HYAL4: variants seen among roughly 807,000 people sequenced by gnomAD.
HYAL4 encodes the protein hyaluronidase 4, also known as hyaluronidase-4.
HYAL4 carries 37 observed loss-of-function variants against 35.2 expected under a neutral mutation model. The observed-to-expected ratio is 1.05, with a 90% confidence interval of 0.81 to 1.38. The LOEUF is 1.38. Among genes scored for constraint, HYAL4 ranks in the 40% most tolerant of loss-of-function variants. HYAL4 has a pLI of 0.00. For synonymous variants in HYAL4, 198 were observed against 203.2 expected (o/e 0.97, Z 0.22); for missense variants, 572 against 572.4 (o/e 1.00, Z 0.01).
At chr7:123,796,759 A>G in the HYAL4 span, among the ~76,000 whole-genome samples, 3 of 152,230 alleles carry the variant, frequency 2.0e-5, no homozygotes, top group South Asian at 6.2e-4. Context: ...CAGCCATGAA[A>G]AAGAATGAAG....
chr7:123,849,338 TCACCCAA>T (rs1385205277), intron 2 of HYAL4, among the ~76,000 whole-genome samples: 50 of 151,998 alleles, frequency 3.3e-4, no homozygotes, highest in African/African-American at 1.2e-3. Context: ...GGTCTCTCTG[TCACCCAA>T]GCTGGAGTGC....
chr7:123,864,442 C>G (rs371406620), intron 2 of HYAL4, among the ~76,000 whole-genome samples: 2 of 152,108 alleles, frequency 1.3e-5, no homozygotes, highest in South Asian at 4.1e-4. Flanking sequence ...CTAACTCTTT[C>G]TAAACATTGT....
chr7:123,783,450 A>G, the HYAL4 span, among the ~76,000 whole-genome samples: 1 of 132,858 alleles, frequency 7.5e-6, no homozygotes, highest in Non-Finnish European at 1.7e-5. Flanking sequence ...AAGTGATATA[A>G]CAAGACATAA....
intron 1 of HYAL4, among the ~76,000 whole-genome samples, chr7:123,847,778 AAATAAT>A (rs1000886829): frequency 6.6e-6 from 1 of 151,954 alleles, no homozygotes; most frequent in Non-Finnish European, 1.5e-5. Context: ...ACTCCGTCTA[AAATAAT>A]AATAATAATA....
At chr7:123,817,289 C>T in the HYAL4 span, among the ~76,000 whole-genome samples, 1 of 152,128 alleles carries the variant, frequency 6.6e-6, no homozygotes, top group South Asian at 2.1e-4. Context: ...ATTTGAAAGT[C>T]ACTTGGCTGC....
the HYAL4 span, among the ~76,000 whole-genome samples, chr7:123,796,636 A>G: frequency 3.1e-4 from 47 of 152,334 alleles, no homozygotes; most frequent in African/African-American, 9.1e-4. Context: ...CTTGTACACT[A>G]ATGTTTATAG....
the HYAL4 span, among the ~76,000 whole-genome samples, chr7:123,777,734 C>T: frequency 6.6e-6 from 1 of 151,730 alleles, no homozygotes; most frequent in South Asian, 2.1e-4. Flanking sequence ...AGATGGTGTC[C>T]TAGATAAGTG....
chr7:123,796,415 T>C, the HYAL4 span, among the ~76,000 whole-genome samples: 1 of 152,242 alleles, frequency 6.6e-6, no homozygotes, highest in Non-Finnish European at 1.5e-5. Context: ...GTTGTAATTA[T>C]TTAATCTTTA....
chr7:123,808,780 G>A, the HYAL4 span, among the ~76,000 whole-genome samples: 3 of 152,174 alleles, frequency 2.0e-5, no homozygotes, highest in African/African-American at 7.2e-5. Flanking sequence ...CCACAATCAA[G>A]GTCCCAATAG....
At chr7:123,789,172 A>G in the HYAL4 span, among the ~76,000 whole-genome samples, 1 of 152,252 alleles carries the variant, frequency 6.6e-6, no homozygotes, top group Non-Finnish European at 1.5e-5. Context: ...GCTACTCTCA[A>G]GAAGATTGTT....
rs1806745453 is a variant in HYAL4, at chr7:123,868,207, T to C, written c.-51-16T>C. The stretch of plus-strand genomic sequence containing the variant: ...CCTCAAAACTATGACTAACAGAAAA[T>C]TAAATCTCTCCACAGGTCTTCTAGA... On this transcript the variant is annotated splice_polypyrimidine_tract_variant and intron_variant, in intron 2 of 4. Transcript: ENST00000223026. 2.7e-6 allele frequency: 2 copies of C among 749,264 alleles called. No individual in the cohort carries two copies. The highest frequency in any genetic ancestry group is 2.0e-6 in the Non-Finnish European group (1 of 490,072). 46.4% of individuals were successfully genotyped at this position (749,264 alleles called of 1,614,324 possible). A position where few individuals can be genotyped will look rare whatever the true frequency, so the allele number is the denominator to read the frequency against.
intron 2 of HYAL4, among the ~76,000 whole-genome samples, chr7:123,866,799 T>C (rs1806698062): frequency 6.7e-6 from 1 of 149,470 alleles, no homozygotes. Flanking sequence ...CTTTTTTTTT[T>C]TTTTTTTTTT....
chr7:123,806,502 G>C, the HYAL4 span, among the ~76,000 whole-genome samples: 24 of 152,068 alleles, frequency 1.6e-4, no homozygotes, highest in African/African-American at 5.5e-4. Context: ...GGAGTGCAAT[G>C]GTGGGATCTT....
At chr7:123,792,524 A>G in the HYAL4 span, among the ~76,000 whole-genome samples, 3 of 152,226 alleles carry the variant, frequency 2.0e-5, no homozygotes, top group Non-Finnish European at 4.4e-5. Flanking sequence ...AGTCACATAT[A>G]TAATAATAGT....
At chr7:123,816,581 G>C in the HYAL4 span, among the ~76,000 whole-genome samples, 1 of 152,070 alleles carries the variant, frequency 6.6e-6, no homozygotes. Context: ...CTTGTTCATT[G>C]CTTTCCTATT....
chr7:123,808,705 A>T, the HYAL4 span, among the ~76,000 whole-genome samples: 2 of 152,136 alleles, frequency 1.3e-5, no homozygotes, highest in Non-Finnish European at 2.9e-5. Flanking sequence ...TAACAAAAAT[A>T]TCTTAAACTG....
At chr7:123,803,907 T>G in the HYAL4 span, among the ~76,000 whole-genome samples, 1 of 152,246 alleles carries the variant, frequency 6.6e-6, no homozygotes, top group Non-Finnish European at 1.5e-5. Context: ...CACCTCCAGC[T>G]TGAAGTTTAT....
At chr7:123,871,391 C>T (rs767014641) in intron 3 of HYAL4, among the ~76,000 whole-genome samples, 6 of 151,954 alleles carry the variant, frequency 3.9e-5, no homozygotes, top group Non-Finnish European at 7.4e-5. Context: ...GGGGTTTTGC[C>T]GTGTTGGCCA....
chr7:123,839,233 G>A (rs1806015520), intron 1 of HYAL4, among the ~76,000 whole-genome samples: 1 of 150,150 alleles, frequency 6.7e-6, no homozygotes, highest in African/African-American at 2.4e-5. Flanking sequence ...GAGAACATGT[G>A]GTGTTTGGTT....
Sources: allele counts gnomAD v4.1 joint callset (sites outside exome capture counted in the v4.1 genomes callset), GRCh38; gene constraint gnomAD v4.1.1; transcripts MANE v1.5; gene names NCBI Gene and HGNC (gene_info 2026-07-23, HGNC 2026-07-21).